Variants in PCDHA11 observed in about 807,000 individuals in gnomAD.
The protein encoded by PCDHA11 is protocadherin alpha-11.
Under a neutral mutation model 70.3 loss-of-function variants are expected in PCDHA11, and 61 were observed. That is an observed-to-expected ratio of 0.87 (90% CI 0.71 to 1.07). The LOEUF is 1.07. Ranked by LOEUF, PCDHA11 falls within the 50% of genes least tolerant of loss-of-function variation. The probability of loss-of-function intolerance (pLI) is 0.00; values close to 1 mark genes in which losing one functional copy is unlikely to be tolerated. For synonymous variants in PCDHA11, 633 were observed against 555.1 expected (o/e 1.14, Z -1.97); for missense variants, 1,324 against 1,237.5 (o/e 1.07, Z -1.05).
chr5:140,973,126 T>C (rs1554234908), intron 1 of PCDHA11, among the ~76,000 whole-genome samples: 1 of 152,144 alleles, frequency 6.6e-6, no homozygotes, highest in Non-Finnish European at 1.5e-5. Flanking sequence ...ATGAATTAAG[T>C]TTGCATTCAC....
chr5:140,871,497 G>T lies in PCDHA11; in HGVS notation c.2391+3G>T. ...CAGGGTCAAATCACCCCGGACAGGT[G>T]AGTTTTCTACAGATTCCACCTATCA... On this transcript the variant is annotated splice_donor_region_variant and intron_variant, in intron 1 of 3. Transcript: ENST00000398640. 6.3e-7 allele frequency: 1 copy of T among 1,586,946 alleles called. No homozygotes were observed. Among genetic ancestry groups the T allele is most frequent in the East Asian group, 2.3e-5 (1 of 43,816 alleles).
intron 3 of PCDHA11, among the ~76,000 whole-genome samples, chr5:140,989,792 C>T (rs1324674581): frequency 6.6e-6 from 1 of 152,142 alleles, no homozygotes; most frequent in African/African-American, 2.4e-5. Flanking sequence ...CTAGAGGCCC[C>T]CAGGAAAGGG....
chr5:140,877,657 G>T (rs1554169952), intron 1 of PCDHA11: 2 of 1,613,570 alleles, frequency 1.2e-6, no homozygotes, highest in East Asian at 2.2e-5. Context: ...GCCGCCCACC[G>T]TGAGCCGGTG....
rs781798788 is a variant in PCDHA11 at position 140,870,135 on chromosome 5, T to C, written c.1032T>C (p.Asp344=). Residue 344 remains aspartate (D), a synonymous_variant, in exon 1 of 4, where the codon GAT becomes GAC. Coordinates refer to ENST00000398640, the MANE Select transcript of PCDHA11 (RefSeq NM_018902.5). ...GGGTGGAAATCTTGGACACCAACGA[T>C]AACTCTCCTGAAGTCGCCGTGACTT... ...TVWVEILDTN[D]NSPEVAVTSL... The C allele has an allele frequency of 6.2e-7, 1 of 1,614,000 alleles. No individual in the cohort carries two copies. Among genetic ancestry groups the C allele is most frequent in the Non-Finnish European group, 8.5e-7 (1 of 1,179,952 alleles).
chr5:140,879,895 G>A (rs1176160335), intron 1 of PCDHA11, among the ~76,000 whole-genome samples: 2 of 152,112 alleles, frequency 1.3e-5, no homozygotes, highest in African/African-American at 4.8e-5. Context: ...TCCTCTCCAT[G>A]TCTCTCTCTA....
At chr5:140,921,367 T>C (rs1165325497) in intron 1 of PCDHA11, among the ~76,000 whole-genome samples, 1 of 152,182 alleles carries the variant, frequency 6.6e-6, no homozygotes, top group African/African-American at 2.4e-5. Context: ...TCAAGTTTCA[T>C]ATTTCTACAT....
At chr5:140,883,141 T>C (rs975281074) in intron 1 of PCDHA11, 5 of 1,614,092 alleles carry the variant, frequency 3.1e-6, no homozygotes, top group Non-Finnish European at 4.2e-6. Flanking sequence ...CAGTGGTATA[T>C]GCATTTACCA....
chr5:140,897,937 C>T (rs1487544322), intron 1 of PCDHA11, among the ~76,000 whole-genome samples: 7 of 152,184 alleles, frequency 4.6e-5, no homozygotes, highest in African/African-American at 1.7e-4. Flanking sequence ...CTCTGATGGC[C>T]AGTGATGATT....
chr5:140,966,938 G>A (rs1159097726), intron 1 of PCDHA11: 1 of 1,604,146 alleles, frequency 6.2e-7, no homozygotes, highest in African/African-American at 1.3e-5. Context: ...CGGCGCGCTC[G>A]TGGGCAACGT....
At chr5:140,920,767 C>T (rs1484117906) in intron 1 of PCDHA11, among the ~76,000 whole-genome samples, 1 of 151,632 alleles carries the variant, frequency 6.6e-6, no homozygotes. Context: ...TTGCTTACAC[C>T]TGGGAGGTGG....
chr5:140,924,102 T>C (rs1227932285), intron 1 of PCDHA11, among the ~76,000 whole-genome samples: 1 of 152,242 alleles, frequency 6.6e-6, no homozygotes. Context: ...TAAATTTTCA[T>C]TCCAAAGCAG....
At chr5:140,935,310 C>T (rs569890065) in intron 1 of PCDHA11, among the ~76,000 whole-genome samples, 2 of 152,200 alleles carry the variant, frequency 1.3e-5, no homozygotes, top group Non-Finnish European at 2.9e-5. Flanking sequence ...TACTTAACTT[C>T]ATCAATCTTA....
intron 3 of PCDHA11, among the ~76,000 whole-genome samples, chr5:140,991,807 C>T (rs782693963): frequency 4.6e-5 from 7 of 152,278 alleles, no homozygotes; most frequent in Admixed American, 6.5e-5. Context: ...AGGCCACTTC[C>T]GCATTTTTAG....
At chr5:140,872,497 C>G (rs1554166232) in intron 1 of PCDHA11, among the ~76,000 whole-genome samples, 1 of 152,150 alleles carries the variant, frequency 6.6e-6, no homozygotes. Context: ...CCTAGTGGTG[C>G]ATGCCTGTAG....
Position 140,870,439 on chromosome 5 carries a change from G to T in PCDHA11, c.1336G>T (p.Asp446Tyr), listed in dbSNP as rs374343977. 6.2e-7 allele frequency: 1 copy of T among 1,614,244 alleles called. No individual in the cohort carries two copies. The highest frequency in any genetic ancestry group is 1.3e-5 in the African/African-American group (1 of 75,072). ...ATARVSVEVA[D>Y]VNDNAPAFAQ... The stretch of plus-strand genomic sequence containing the variant: ...GGCCAGGGTATCCGTGGAGGTGGCC[G>T]ACGTGAACGACAATGCGCCTGCGTT... The change falls in exon 1 of 4, where the codon GAC becomes TAC. Residue 446 changes from aspartate to tyrosine, a missense_variant. By Grantham distance (160) the Asp-to-Tyr change is radical. Transcript: ENST00000398640.
At chr5:140,993,460 T>A (rs1416332490) in intron 3 of PCDHA11, among the ~76,000 whole-genome samples, 1 of 104,506 alleles carries the variant, frequency 9.6e-6, no homozygotes, top group Non-Finnish European at 1.9e-5. Context: ...CTTCTTTCTT[T>A]CTCACACACA....
intron 1 of PCDHA11, chr5:140,881,278 T>G: frequency 5.4e-6 from 4 of 743,002 alleles, no homozygotes; most frequent in Non-Finnish European, 6.6e-6. Flanking sequence ...TGAAGTAAGA[T>G]GGAGAGAGAA....
intron 1 of PCDHA11, chr5:140,930,355 C>G (rs1044171600): frequency 6.6e-6 from 1 of 151,448 alleles, no homozygotes; most frequent in Non-Finnish European, 1.5e-5. Context: ...TCAAATATTT[C>G]AATTTATCTG....
At chr5:140,891,624 T>C (rs1489586112) in intron 1 of PCDHA11, among the ~76,000 whole-genome samples, 1 of 152,188 alleles carries the variant, frequency 6.6e-6, no homozygotes, top group African/African-American at 2.4e-5. Context: ...TTTTAACACC[T>C]TTTGCTCTTT....
Sources: allele counts gnomAD v4.1 joint callset (sites outside exome capture counted in the v4.1 genomes callset), GRCh38; gene constraint gnomAD v4.1.1; transcripts MANE v1.5; gene names NCBI Gene and HGNC (gene_info 2026-07-23, HGNC 2026-07-21).